SH3RF3: variants seen among roughly 807,000 people sequenced by gnomAD.
The protein encoded by SH3RF3 is E3 ubiquitin-protein ligase SH3RF3.
Under a neutral mutation model 66.3 loss-of-function variants are expected in SH3RF3, and 29 were observed. That is an observed-to-expected ratio of 0.44 (90% CI 0.33 to 0.60). SH3RF3 has a LOEUF of 0.60. Among genes scored for constraint, SH3RF3 ranks in the 20% least tolerant of loss-of-function variants. The pLI, the probability that SH3RF3 is intolerant of heterozygous loss-of-function variation, is 0.04. For synonymous variants in SH3RF3, 583 were observed against 532.0 expected, an observed-to-expected ratio of 1.10 and a Z score of -1.32; for missense variants, 1,194 against 1,190.9, an observed-to-expected ratio of 1.00 and a Z score of -0.04.
intron 1 of SH3RF3, among the ~76,000 whole-genome samples, chr2:109,325,164 C>T (rs1682122780): frequency 6.6e-6 from 1 of 151,988 alleles, no homozygotes; most frequent in Admixed American, 6.6e-5. Flanking sequence ...GGAAACAACT[C>T]ACTGGTCTTT....
chr2:109,408,793 G>A (rs939179130), intron 4 of SH3RF3, among the ~76,000 whole-genome samples: 1 of 152,240 alleles, frequency 6.6e-6, no homozygotes, highest in African/African-American at 2.4e-5. Context: ...GTTGGATGTG[G>A]ATGAATATTG....
At chr2:109,188,812 A>G (rs1050667572) in intron 1 of SH3RF3, among the ~76,000 whole-genome samples, 4 of 152,128 alleles carry the variant, frequency 2.6e-5, no homozygotes, top group South Asian at 2.1e-4. Flanking sequence ...GAACAGATTA[A>G]AAACTGTTCC....
At position 109,129,983 on chromosome 2, in the gene SH3RF3, C is replaced by G; in HGVS notation, c.443C>G (p.Thr148Arg). The change falls in exon 1 of 10, where the codon ACG (threonine) becomes AGG (arginine). Residue 148 changes from threonine to arginine, a missense_variant. Transcript: ENST00000309415. ...ATCCCAGGCCAGAGTGCGGCCCCCA[C>G]GCTCGCGGGCGGCGGGGGCGGCGCG... ...RPIPGQSAAPTLAGGGGGAAG... is the reference protein window; with the variant it reads ...RPIPGQSAAPRLAGGGGGAAG... The G allele has an allele frequency of 7.7e-7, 1 of 1,300,656 alleles. No individual in the cohort carries two copies. Among genetic ancestry groups the G allele is most frequent in the South Asian group, 2.3e-5 (1 of 42,738 alleles). 80.6% of individuals were successfully genotyped at this position (1,300,656 alleles called of 1,614,324 possible).
At chr2:109,393,067 G>A (rs191244151) in intron 3 of SH3RF3, among the ~76,000 whole-genome samples, 36 of 152,284 alleles carry the variant, frequency 2.4e-4, no homozygotes, top group African/African-American at 6.3e-4. Context: ...TTGCCTGCCC[G>A]TCTCAGTGAG....
At chr2:109,462,245 A>T (rs902406602) in intron 8 of SH3RF3, among the ~76,000 whole-genome samples, 2 of 151,140 alleles carry the variant, frequency 1.3e-5, no homozygotes, top group African/African-American at 4.9e-5. Flanking sequence ...TTTGTGACAC[A>T]GAGTTGGAGA....
chr2:109,458,297 A>G (rs1335938025), intron 8 of SH3RF3, among the ~76,000 whole-genome samples: 3 of 152,204 alleles, frequency 2.0e-5, no homozygotes, highest in Non-Finnish European at 4.4e-5. Context: ...TGGATCTCAA[A>G]TAGAACCAAT....
chr2:109,282,937 G>T (rs1680931866), intron 1 of SH3RF3, among the ~76,000 whole-genome samples: 2 of 152,148 alleles, frequency 1.3e-5, no homozygotes, highest in Admixed American at 1.3e-4. Context: ...GTGTACCAAT[G>T]GTGGCATTGG....
intron 8 of SH3RF3, among the ~76,000 whole-genome samples, chr2:109,459,203 G>C (rs1370958919): frequency 2.0e-5 from 3 of 152,110 alleles, no homozygotes; most frequent in African/African-American, 7.2e-5. Flanking sequence ...TGAGATAAGA[G>C]AGAGAAGAAA....
chr2:109,497,306 G>A (rs1193567085), intron 9 of SH3RF3, among the ~76,000 whole-genome samples: 2 of 152,088 alleles, frequency 1.3e-5, no homozygotes, highest in Admixed American at 1.3e-4. Context: ...TTCCTGTGTT[G>A]GAGCAAGTGC....
intron 1 of SH3RF3, among the ~76,000 whole-genome samples, chr2:109,160,613 A>G (rs768210638): frequency 1.3e-5 from 2 of 152,160 alleles, no homozygotes; most frequent in African/African-American, 2.4e-5. Flanking sequence ...CTGTTTTCCA[A>G]TGGAAAAGCT....
At chr2:109,424,934 G>A (rs1218749426) in intron 5 of SH3RF3, among the ~76,000 whole-genome samples, 1 of 152,216 alleles carries the variant, frequency 6.6e-6, no homozygotes, top group African/African-American at 2.4e-5. Flanking sequence ...AGGAAGTCAT[G>A]TCAAAAGCTG....
intron 3 of SH3RF3, among the ~76,000 whole-genome samples, chr2:109,380,897 A>C (rs2104378209): frequency 6.6e-6 from 1 of 152,358 alleles, no homozygotes; most frequent in East Asian, 1.9e-4. Context: ...CAGGGCACGC[A>C]CTGGTCCTCA....
chr2:109,497,619 C>T (rs970932736), intron 9 of SH3RF3, among the ~76,000 whole-genome samples: 1 of 152,132 alleles, frequency 6.6e-6, no homozygotes, highest in Admixed American at 6.5e-5. Context: ...GACACGACAA[C>T]GGCGCTCTGT....
chr2:109,137,643 T>G (rs182489718), intron 1 of SH3RF3, among the ~76,000 whole-genome samples: 1 of 152,354 alleles, frequency 6.6e-6, no homozygotes, highest in Admixed American at 6.5e-5. Flanking sequence ...CATTTGTTGC[T>G]CTAGGATGAA....
intron 1 of SH3RF3, among the ~76,000 whole-genome samples, chr2:109,272,862 CA>C (rs1175445568): frequency 6.6e-6 from 1 of 152,194 alleles, no homozygotes; most frequent in Non-Finnish European, 1.5e-5. Flanking sequence ...GTTCTGTCGG[CA>C]AACGTTCTCT....
rs1273437959 is a variant in SH3RF3 at position 109,249,536 on chromosome 2, C to CTTTCT, written c.574-98136_574-98135insTCTTT. On this transcript the variant is annotated intron_variant, in intron 1 of 9. Coordinates refer to ENST00000309415, the MANE Select transcript of SH3RF3 (RefSeq NM_001099289.3). Reference sequence around the variant, plus strand: ...TTCTTTCTTTTTCTTTCTTTCTTTCCTTCCTTCCTTCCTTCCTTCCTTCCT... The same window carrying CTTTCT: ...TTCTTTCTTTTTCTTTCTTTCTTTCCTTTCTTTCCTTCCTTCCTTCCTTCCTTCCT... 2.1e-3 allele frequency among the ~76,000 whole-genome samples: 159 copies of CTTTCT among 74,080 alleles called. 1 individual carries two copies. Among genetic ancestry groups the CTTTCT allele is most frequent in the Non-Finnish European group, 2.5e-3 (92 of 36,202 alleles). The allele number at this position is 74,080 out of a possible 152,430, so 48.6% of individuals were successfully genotyped here.
chr2:109,312,031 T>G (rs112489908), intron 1 of SH3RF3, among the ~76,000 whole-genome samples: 1 of 151,982 alleles, frequency 6.6e-6, no homozygotes, highest in African/African-American at 2.4e-5. Flanking sequence ...ACTTGAGCGT[T>G]GTGGCCGGTG....
intron 1 of SH3RF3, among the ~76,000 whole-genome samples, chr2:109,276,673 T>G (rs1318600842): frequency 1.3e-5 from 2 of 152,214 alleles, no homozygotes; most frequent in Non-Finnish European, 2.9e-5. Context: ...CAGACAAATA[T>G]TCTAAGTCAG....
chr2:109,439,412 A>G (rs1325756688), intron 7 of SH3RF3, among the ~76,000 whole-genome samples: 1 of 152,116 alleles, frequency 6.6e-6, no homozygotes, highest in Non-Finnish European at 1.5e-5. Context: ...TTTCCACTTC[A>G]TTCTGCATTT....
Sources: gnomAD v4.1 joint callset for allele counts (sites outside exome capture counted in the v4.1 genomes callset) on GRCh38, gnomAD v4.1.1 for gene constraint, MANE v1.5 for transcripts, NCBI Gene and HGNC (gene_info 2026-07-23, HGNC 2026-07-21) for gene names.